The following PTPRJ variants were observed in gnomAD, a reference collection of about 807,000 sequenced individuals.
PTPRJ encodes the protein receptor-type tyrosine-protein phosphatase eta.
A neutral mutation model predicts 141.3 loss-of-function variants in PTPRJ; 129 were observed. The ratio of observed to expected loss-of-function variants is 0.91; its 90% CI spans 0.79 to 1.06. The LOEUF (loss-of-function observed/expected upper bound fraction) is 1.06. PTPRJ is among the 50% of genes least tolerant of loss of function. PTPRJ has a pLI of 0.00. For synonymous variants in PTPRJ, 610 were observed against 640.5 expected, an observed-to-expected ratio of 0.95 and a Z score of 0.72; for missense variants, 1,601 against 1,679.7, an observed-to-expected ratio of 0.95 and a Z score of 0.82.
intron 1 of PTPRJ, among the ~76,000 whole-genome samples, chr11:48,103,016 C>T (rs1856188652): frequency 6.6e-6 from 1 of 152,160 alleles, no homozygotes; most frequent in South Asian, 2.1e-4. Context: ...CTGGGACTTA[C>T]TTTCTTCCTC....
At chr11:48,121,939 G>A (rs1236785467) in intron 4 of PTPRJ, among the ~76,000 whole-genome samples, 2 of 152,152 alleles carry the variant, frequency 1.3e-5, no homozygotes, top group Non-Finnish European at 2.9e-5. Context: ...GATCTCAGGG[G>A]CTGGAGTCGG....
At chr11:48,156,164 G>A (rs1216489459) in intron 21 of PTPRJ, 45 bp downstream of exon 21, 8 of 1,477,068 alleles carry the variant, frequency 5.4e-6, no homozygotes, top group Non-Finnish European at 6.5e-6. Context: ...TACATTAATT[G>A]CTTTTTATTG....
intron 2 of PTPRJ, 125 bp from the exon 3 acceptor site, chr11:48,112,622 A>T: frequency 1.4e-6 from 1 of 725,666 alleles, no homozygotes; most frequent in South Asian, 1.8e-5. Flanking sequence ...TACAAAGAAG[A>T]GAAAGAGAGG....
At chr11:48,095,521 T>A (rs908117933) in intron 1 of PTPRJ, among the ~76,000 whole-genome samples, 1 of 152,090 alleles carries the variant, frequency 6.6e-6, no homozygotes, top group African/African-American at 2.4e-5. Flanking sequence ...ATGTTGCTAC[T>A]TCTGAAGACG....
intron 24 of PTPRJ, among the ~76,000 whole-genome samples, chr11:48,165,923 C>T (rs1429789311): frequency 4.0e-5 from 6 of 151,014 alleles, no homozygotes; most frequent in Non-Finnish European, 7.4e-5. Context: ...TGCAGTGGTG[C>T]GATCTCGGCT....
intron 8 of PTPRJ, among the ~76,000 whole-genome samples, chr11:48,135,170 C>CTTTTTTT: frequency 1.2e-5 from 1 of 86,782 alleles, no homozygotes; most frequent in Non-Finnish European, 2.3e-5. Flanking sequence ...CCTTGAAGGG[C>CTTTTTTT]TTTTTTTTTT....
At chr11:48,075,207 G>T (rs1388916373) in intron 1 of PTPRJ, among the ~76,000 whole-genome samples, 1 of 150,110 alleles carries the variant, frequency 6.7e-6, no homozygotes, top group Non-Finnish European at 1.5e-5. Flanking sequence ...GCAGTGGCAT[G>T]ATCTCAGCTC....
At chr11:48,155,593 G>T (rs1174413354) in intron 19 of PTPRJ, among the ~76,000 whole-genome samples, 1 of 152,148 alleles carries the variant, frequency 6.6e-6, no homozygotes, top group African/African-American at 2.4e-5. Context: ...GCTCTGCTCT[G>T]GTGATCATGT....
chr11:48,063,746 T>G (rs117507462), intron 1 of PTPRJ, among the ~76,000 whole-genome samples: 1 of 152,298 alleles, frequency 6.6e-6, no homozygotes, highest in Non-Finnish European at 1.5e-5. Context: ...CTTTGTGAAA[T>G]CATGAGCTAG....
At chr11:48,042,097 A>G (rs922906162) in intron 1 of PTPRJ, among the ~76,000 whole-genome samples, 1 of 152,112 alleles carries the variant, frequency 6.6e-6, no homozygotes, top group Non-Finnish European at 1.5e-5. Context: ...TAAAGATACA[A>G]TCTCTTTGAA....
rs747722144 is a variant in PTPRJ, at chr11:48,136,259, C to T, written c.1836C>T (p.His612=). The change falls in exon 9 of 25, where the codon CAC becomes CAT. Residue 612 remains histidine (H), a synonymous_variant. Transcript: ENST00000418331. Reference sequence around the variant, plus strand: ...TCACCATCTCTCCAGAAGTGGACCACGTCTGGGGGGACCCCAACTCCACTG... The same window carrying T: ...TCACCATCTCTCCAGAAGTGGACCATGTCTGGGGGGACCCCAACTCCACTG... The part of the protein sequence containing the change: ...YNITISPEVD[H]VWGDPNSTAQ... The T allele has an allele frequency of 4.2e-5, 68 of 1,614,100 alleles. No homozygotes were observed. In the African/African-American group the frequency reaches 4.3e-4, roughly 10 times the overall value.
chr11:48,145,838 C>T (rs1224371602), intron 14 of PTPRJ, among the ~76,000 whole-genome samples: 6 of 152,046 alleles, frequency 3.9e-5, no homozygotes, highest in South Asian at 2.1e-4. Flanking sequence ...GGATTATAGG[C>T]GTGAGCCACC....
chr11:48,158,901 G>C lies in PTPRJ; in HGVS notation c.3439-1029G>C, dbSNP rs367695265. 2.2e-4 allele frequency among the ~76,000 whole-genome samples: 33 copies of C among 152,254 alleles called. No homozygotes were observed. The Middle Eastern group carries it at 0.01, about 47-fold the overall frequency. On this transcript the variant is annotated intron_variant, in intron 21 of 24. Transcript: ENST00000418331. This position sits in a 1 kb window ranked among gnomAD's most constrained non-coding sequence, Gnocchi z 4.4. ...TGAGAGGTTGAGGCTGCAGTGAGCC[G>C]TGATCGTGCCATTGTACCCCAGCTT...
chr11:48,131,049 CACAT>C (rs1277355827), intron 8 of PTPRJ, among the ~76,000 whole-genome samples: 8 of 91,060 alleles, frequency 8.8e-5, no homozygotes, highest in African/African-American at 2.7e-4. Context: ...CACACACACA[CACAT>C]ATATATATAT....
rs1227317771 is a variant in PTPRJ, at chr11:47,996,055, T to C, written c.96+15047T>C. 7.7e-5 allele frequency among the ~76,000 whole-genome samples: 11 copies of C among 143,272 alleles called. No individual in the cohort carries two copies. The South Asian group carries it at 1.8e-3, about 23-fold the overall frequency. 94.0% of individuals were successfully genotyped at this position (143,272 alleles called of 152,430 possible). ...CTCCATCTCCAAAAAAAAAAAAGGCTGGGTGCGGTGGCTTACGCCTGTAAT... is the reference window on the plus strand; with the variant it reads ...CTCCATCTCCAAAAAAAAAAAAGGCCGGGTGCGGTGGCTTACGCCTGTAAT... On this transcript the variant is annotated intron_variant, in intron 1 of 24. Coordinates refer to ENST00000418331, the MANE Select transcript of PTPRJ (RefSeq NM_002843.4).
chr11:48,047,253 A>C (rs1459773043), intron 1 of PTPRJ, among the ~76,000 whole-genome samples: 1 of 152,112 alleles, frequency 6.6e-6, no homozygotes, highest in South Asian at 2.1e-4. Flanking sequence ...TTGCAGAAGA[A>C]TTATCAATCC....
intron 2 of PTPRJ, among the ~76,000 whole-genome samples, chr11:48,112,314 C>T (rs1379639099): frequency 6.6e-6 from 1 of 152,116 alleles, no homozygotes; most frequent in African/African-American, 2.4e-5. Flanking sequence ...CAAAAATCTC[C>T]AGGAGTATGA....
chr11:48,014,379 T>G (rs2134205112), intron 1 of PTPRJ: 1 of 152,360 alleles, frequency 6.6e-6, no homozygotes, highest in East Asian at 1.9e-4. Flanking sequence ...AAACCCTTGT[T>G]TTCCCTAGAT....
rs143184751 is a variant in PTPRJ, at chr11:48,156,084, A to G, written c.3403A>G (p.Ile1135Val). The G allele has an allele frequency of 1.1e-4, 174 of 1,598,598 alleles. No homozygotes were observed. The East Asian group carries it at 3.6e-3, about 33-fold the overall frequency. The change falls in exon 21 of 25, where the codon ATC (isoleucine) becomes GTC (valine). Residue 1135 changes from isoleucine (I) to valine (V), a missense_variant. Transcript: ENST00000418331. ...GGTTTGGGAGAAAAATGTATATGCC[A>G]TCATTATGTTGACTAAATGTGTTGA... ...RMVWEKNVYA[I>V]IMLTKCVEQG...
Sources: allele counts gnomAD v4.1 joint callset (sites outside exome capture counted in the v4.1 genomes callset), GRCh38; gene constraint gnomAD v4.1.1; non-coding constraint Gnocchi (gnomAD v3.1); transcripts MANE v1.5; gene names NCBI Gene and HGNC (gene_info 2026-07-23, HGNC 2026-07-21).